The following SMARCA5 variants were observed in gnomAD, a reference collection of about 807,000 sequenced individuals.
SMARCA5 encodes SNF2 related chromatin remodeling ATPase 5.
SMARCA5 carries 18 observed loss-of-function variants against 140.4 expected under a neutral mutation model. That is an observed-to-expected ratio of 0.13 (90% CI 0.09 to 0.19). SMARCA5 has a LOEUF of 0.19. Among genes scored for constraint, SMARCA5 ranks in the 10% least tolerant of loss-of-function variants. The probability of loss-of-function intolerance (pLI) is 1.00; values close to 1 mark genes in which losing one functional copy is unlikely to be tolerated. For missense variants in SMARCA5, 606 were observed against 1,276.8 expected (o/e 0.47, Z 8.01); for synonymous variants, 449 against 419.6 (o/e 1.07, Z -0.86).
intron 1 of SMARCA5, chr4:143,514,427 C>T (rs1736779411): frequency 6.9e-6 from 2 of 290,862 alleles, no homozygotes; most frequent in South Asian, 6.4e-5. Context: ...ACTAGACTCC[C>T]ATAATTCCCT....
chr4:143,530,595 A>T, intron 9 of SMARCA5, 69 bp downstream of exon 9: 1 of 1,048,918 alleles, frequency 9.5e-7, no homozygotes, highest in Non-Finnish European at 1.4e-6. Context: ...AAATTAGTAG[A>T]TTATTTTCCT....
chr4:143,538,961 A>G (rs201214382), intron 13 of SMARCA5, 23 bp downstream of exon 13: 3 of 1,606,704 alleles, frequency 1.9e-6, no homozygotes, highest in Non-Finnish European at 1.7e-6. Flanking sequence ...GAATAAATAT[A>G]TTCTGTGCTT....
chr4:143,519,074 CT>C (rs1736902729), intron 2 of SMARCA5, among the ~76,000 whole-genome samples: 1 of 152,048 alleles, frequency 6.6e-6, no homozygotes, highest in Non-Finnish European at 1.5e-5. Context: ...CAGTTTGATT[CT>C]TACTGGTTTT....
At chr4:143,530,407 A>G in intron 8 of SMARCA5, 51 bp from the exon 9 acceptor site, 1 of 1,178,418 alleles carries the variant, frequency 8.5e-7, no homozygotes, top group Non-Finnish European at 1.2e-6. Flanking sequence ...ATTATAGGGT[A>G]TTTGTTAATA....
chr4:143,544,913 C>T, intron 17 of SMARCA5, 66 bp downstream of exon 17: 6 of 743,096 alleles, frequency 8.1e-6, no homozygotes, highest in South Asian at 1.7e-5. Flanking sequence ...TTCATATATT[C>T]TTGCAAAAAG....
intron 11 of SMARCA5, among the ~76,000 whole-genome samples, chr4:143,537,326 C>T (rs550268843): frequency 3.9e-5 from 6 of 152,116 alleles, no homozygotes; most frequent in Admixed American, 6.6e-5. Context: ...CTTAAAGATA[C>T]GAAATATCAC....
At chr4:143,524,252 T>C in intron 3 of SMARCA5, 115 bp from the exon 4 acceptor site, 1 of 606,832 alleles carries the variant, frequency 1.6e-6, no homozygotes. Flanking sequence ...GGTTGATGCC[T>C]GTTAAAAATT....
At position 143,557,188 on chromosome 4, in the gene SMARCA5, C is replaced by T. The variant is rs1737777606; in HGVS notation, c.*4004C>T. The T allele has an allele frequency of 6.6e-6, 1 of 152,148 alleles. No homozygotes were observed. The highest frequency in any genetic ancestry group is 1.5e-5 in the Non-Finnish European group (1 of 68,048). 9.4% of individuals were successfully genotyped at this position (152,148 alleles called of 1,614,324 possible). On this transcript the variant is annotated 3_prime_UTR_variant, in exon 24 of 24. Coordinates refer to ENST00000283131, the MANE Select transcript of SMARCA5 (RefSeq NM_003601.4). Reference sequence around the variant, plus strand: ...TCTACAGCATACAAGGTGTGTGGCTCTTATCTCTAGGACACCAATATTTAA... The same window carrying T: ...TCTACAGCATACAAGGTGTGTGGCTTTTATCTCTAGGACACCAATATTTAA...
At position 143,553,557 on chromosome 4, in the gene SMARCA5, A is replaced by G. The variant is rs952711455; in HGVS notation, c.*373A>G. ...ATTGCAAATAACATTTGTCCCTTTC[A>G]GTCTTCACCTAGTTGTGTAATTATT... On this transcript the variant is annotated 3_prime_UTR_variant, in exon 24 of 24. Coordinates refer to ENST00000283131, the MANE Select transcript of SMARCA5 (RefSeq NM_003601.4). The G allele has an allele frequency of 2.9e-5, 5 of 170,502 alleles. No individual in the cohort carries two copies. Among genetic ancestry groups the G allele is most frequent in the Admixed American group, 6.0e-5 (1 of 16,738 alleles). The allele number at this position is 170,502 out of a possible 1,614,324, so 10.6% of individuals were successfully genotyped here. A position where few individuals can be genotyped will look rare whatever the true frequency, so the allele number is the denominator to read the frequency against.
At chr4:143,527,541 T>G (rs1208953074) in intron 6 of SMARCA5, among the ~76,000 whole-genome samples, 1 of 152,208 alleles carries the variant, frequency 6.6e-6, no homozygotes, top group Non-Finnish European at 1.5e-5. Flanking sequence ...TTTCTTTATG[T>G]TAAAACCTCC....
At chr4:143,550,782 G>A (rs1463017120) in intron 23 of SMARCA5, among the ~76,000 whole-genome samples, 1 of 152,066 alleles carries the variant, frequency 6.6e-6, no homozygotes, top group Non-Finnish European at 1.5e-5. Context: ...TGGTTGAATA[G>A]TATTCTATTG....
At position 143,533,665 on chromosome 4, in the gene SMARCA5, G is replaced by A. The variant is rs529097542; in HGVS notation, c.1159-1190G>A. 4.6e-5 allele frequency among the ~76,000 whole-genome samples: 7 copies of A among 151,894 alleles called. No homozygotes were observed. In the South Asian group the frequency reaches 6.2e-4, roughly 14 times the overall value. ...TGGGACTACAGGTACCTGCCACCTC[G>A]CCTGGCTAATTTTTTGTATTTTTAA... is the stretch of plus-strand genomic sequence containing the variant. On this transcript the variant is annotated intron_variant, in intron 9 of 23. Coordinates refer to ENST00000283131, the MANE Select transcript of SMARCA5 (RefSeq NM_003601.4).
intron 1 of SMARCA5, among the ~76,000 whole-genome samples, chr4:143,514,870 GAA>G (rs34359057): frequency 1.3e-5 from 2 of 148,708 alleles, no homozygotes; most frequent in African/African-American, 4.9e-5. Flanking sequence ...CTGGCCTTAA[GAA>G]AAAAAAAAAT....
intron 10 of SMARCA5, among the ~76,000 whole-genome samples, 199 bp from the exon 11 acceptor site, chr4:143,536,253 T>C (rs1400301263): frequency 2.6e-5 from 4 of 152,136 alleles, no homozygotes; most frequent in Non-Finnish European, 5.9e-5. Context: ...GTATGAACAT[T>C]ATAATGCTAT....
At chr4:143,516,765 T>C (rs1263666636) in intron 1 of SMARCA5, among the ~76,000 whole-genome samples, 1 of 152,180 alleles carries the variant, frequency 6.6e-6, no homozygotes, top group African/African-American at 2.4e-5. Context: ...CTTTGCAGTG[T>C]AGAAGTTGTT....
At chr4:143,539,291 A>G (rs981806006) in intron 13 of SMARCA5, among the ~76,000 whole-genome samples, 17 of 152,330 alleles carry the variant, frequency 1.1e-4, no homozygotes, top group African/African-American at 4.1e-4. Flanking sequence ...CAAATCATGT[A>G]GCATAACTGA....
chr4:143,526,232 A>G (rs1237292540), intron 5 of SMARCA5, 49 bp from the exon 6 acceptor site: 1 of 1,445,948 alleles, frequency 6.9e-7, no homozygotes, highest in Non-Finnish European at 9.7e-7. Context: ...TAATTGTGAA[A>G]TAATATTTTC....
Position 143,555,632 on chromosome 4 carries a change from G to A in SMARCA5, c.*2448G>A. ...TAATTGTACATCTGACAAAGTGCTGGAGGCTATTATAAAGTGTAATTATTA... is the reference window on the plus strand; with the variant it reads ...TAATTGTACATCTGACAAAGTGCTGAAGGCTATTATAAAGTGTAATTATTA... On this transcript the variant is annotated 3_prime_UTR_variant, in exon 24 of 24. Transcript: ENST00000283131. The A allele has an allele frequency of 3.6e-6, 1 of 278,870 alleles. No individual in the cohort carries two copies. Among genetic ancestry groups the A allele is most frequent in the Non-Finnish European group, 6.9e-6 (1 of 144,132 alleles). 17.3% of individuals were successfully genotyped at this position (278,870 alleles called of 1,614,324 possible).
chr4:143,522,822 TC>T (rs1442206410), intron 3 of SMARCA5, among the ~76,000 whole-genome samples: 1 of 152,120 alleles, frequency 6.6e-6, no homozygotes, highest in Non-Finnish European at 1.5e-5. Flanking sequence ...TCCTAATTTA[TC>T]TTTTTTATAA....
Sources: gnomAD v4.1 joint callset for allele counts (sites outside exome capture counted in the v4.1 genomes callset) on GRCh38, gnomAD v4.1.1 for gene constraint, MANE v1.5 for transcripts, NCBI Gene and HGNC (gene_info 2026-07-23, HGNC 2026-07-21) for gene names.